The following NCOR2 variants were observed in gnomAD, a reference collection of about 807,000 sequenced individuals.
NCOR2 encodes nuclear receptor corepressor 2, also known as CTG repeat protein 26.
NCOR2 carries 81 observed loss-of-function variants against 262.9 expected under a neutral mutation model. The ratio of observed to expected loss-of-function variants is 0.31; its 90% CI spans 0.26 to 0.37. NCOR2 has a LOEUF of 0.37. NCOR2 is among the 10% of genes least tolerant of loss of function. The pLI, the probability that NCOR2 is intolerant of heterozygous loss-of-function variation, is 1.00. For synonymous variants in NCOR2, 1,659 were observed against 1,559.3 expected, an observed-to-expected ratio of 1.06 and a Z score of -1.51; for missense variants, 3,385 against 3,621.4, an observed-to-expected ratio of 0.93 and a Z score of 1.68.
intron 37 of NCOR2, among the ~76,000 whole-genome samples, chr12:124,337,971 G>A (rs566297374): frequency 3.9e-5 from 6 of 152,350 alleles, no homozygotes; most frequent in Admixed American, 1.3e-4. Flanking sequence ...CGGCTGTCAC[G>A]GGCATATCCC....
intron 17 of NCOR2, among the ~76,000 whole-genome samples, chr12:124,380,525 C>G (rs1014798347): frequency 3.4e-4 from 52 of 152,236 alleles, no homozygotes; most frequent in African/African-American, 1.2e-3. Flanking sequence ...AATCCTGAGC[C>G]TCTCCCAGGA....
chr12:124,334,996 T>C, intron 40 of NCOR2, 139 bp downstream of exon 42: 1 of 1,327,926 alleles, frequency 7.5e-7, no homozygotes. Flanking sequence ...ACCCACGCCC[T>C]GGATCCCCCC....
rs925538206 is a variant in NCOR2, at chr12:124,333,413, G to A, written c.6606-134C>T. On this transcript the variant is annotated intron_variant, in intron 41 of 46. Transcript: ENST00000405201. ...AATCATAAACGTTTTAGGCATTTTC[G>A]ACCACAAGTAATCTCTGGCATGTAT... is the stretch of plus-strand genomic sequence containing the variant. The A allele has an allele frequency of 3.0e-5, 22 of 732,918 alleles. No individual in the cohort carries two copies. The East Asian group carries it at 4.8e-4, about 16-fold the overall frequency. The allele number at this position is 732,918 out of a possible 1,614,324, so 45.4% of individuals were successfully genotyped here.
rs537775880 is a variant in NCOR2, at chr12:124,348,011, G to A, written c.3986-100C>T. 1.2e-4 allele frequency: 175 copies of A among 1,453,336 alleles called. 2 individuals carry two copies. The highest frequency in any genetic ancestry group is 4.2e-4 in the Admixed American group (21 of 50,330). The allele number at this position is 1,453,336 out of a possible 1,614,324, so 90.0% of individuals were successfully genotyped here. On this transcript the variant is annotated intron_variant, in intron 29 of 46. Coordinates refer to ENST00000405201, the Ensembl canonical transcript of NCOR2. Reference sequence around the variant, plus strand: ...TACAGCCGCCAGTGGTCATCCCCACGATGATGGTGGAGTAGGACCCAGCAC... The same window carrying A: ...TACAGCCGCCAGTGGTCATCCCCACAATGATGGTGGAGTAGGACCCAGCAC...
In NCOR2 at chr12:124,454,081, G is replaced by A. The variant is rs972715039; in HGVS notation, c.762+3025C>T. Among the ~76,000 whole-genome samples, 3 of 152,228 alleles carry A rather than the reference G, an allele frequency of 2.0e-5. No homozygotes were observed. Among genetic ancestry groups the A allele is most frequent in the Non-Finnish European group, 4.4e-5 (3 of 68,042 alleles). ...GACCCTGCAGAGGGTGCACCATGCA[G>A]CTGCCTCTGCTTGGAGGATGCCTGT... is the stretch of plus-strand genomic sequence containing the variant. On this transcript the variant is annotated intron_variant, in intron 6 of 46. Coordinates refer to ENST00000405201, the Ensembl canonical transcript of NCOR2. This position sits in a 1 kb window ranked among gnomAD's most constrained non-coding sequence, Gnocchi z 5.6.
chr12:124,511,221 G>A (rs565322446), intron 1 of NCOR2, among the ~76,000 whole-genome samples: 19 of 152,290 alleles, frequency 1.2e-4, no homozygotes, highest in South Asian at 1.0e-3. Flanking sequence ...AAAGGCAGCC[G>A]AGTGTCCCAA....
chr12:124,352,322 A>C (rs574464565), intron 27 of NCOR2, among the ~76,000 whole-genome samples: 13 of 152,290 alleles, frequency 8.5e-5, no homozygotes, highest in Non-Finnish European at 1.6e-4. Flanking sequence ...GGCTTACTGA[A>C]CACCACAATA....
intron 1 of NCOR2, among the ~76,000 whole-genome samples, chr12:124,489,767 G>A (rs1394246275): frequency 1.3e-5 from 2 of 152,180 alleles, no homozygotes; most frequent in African/African-American, 4.8e-5. Context: ...ATCCCAGCTG[G>A]TGCCTTCTTG....
chr12:124,375,876 C>T (rs553205159), intron 18 of NCOR2, among the ~76,000 whole-genome samples: 92 of 152,306 alleles, frequency 6.0e-4, no homozygotes, highest in Non-Finnish European at 1.2e-3. Flanking sequence ...CTTTCCACTG[C>T]CCCCGGGGAG....
chr12:124,396,145 A>C, intron 16 of NCOR2, among the ~76,000 whole-genome samples: 1 of 152,082 alleles, frequency 6.6e-6, no homozygotes, highest in East Asian at 1.9e-4. Context: ...AGAGACAGAG[A>C]GTGCATTAGT....
intron 7 of NCOR2, among the ~76,000 whole-genome samples, chr12:124,442,991 G>A (rs918142072): frequency 5.3e-5 from 8 of 152,212 alleles, no homozygotes; most frequent in Non-Finnish European, 7.3e-5. Context: ...GCCGGCAGCC[G>A]CCAGGAGCTG....
At chr12:124,341,243 CT>C (rs757260730) in intron 34 of NCOR2, among the ~76,000 whole-genome samples, 482 of 145,734 alleles carry the variant, frequency 3.3e-3, no homozygotes, top group African/African-American at 8.0e-3. Context: ...ACATTTTCAT[CT>C]TTTTTTTTTT....
exon 9 of NCOR2, chr12:124,430,624 C>T (rs2043859108): frequency 6.2e-7 from 1 of 1,611,996 alleles, no homozygotes; most frequent in Non-Finnish European, 8.5e-7. Context: ...CCTCTGCATG[C>T]GCTCCTGCAG....
intron 8 of NCOR2, among the ~76,000 whole-genome samples, chr12:124,435,030 C>G (rs1457756565): frequency 6.6e-6 from 1 of 152,224 alleles, no homozygotes; most frequent in African/African-American, 2.4e-5. Context: ...AGCCTGAGGG[C>G]AGATGTTTCC....
exon 21 of NCOR2, chr12:124,363,697 C>A: frequency 7.2e-7 from 1 of 1,395,306 alleles, no homozygotes; most frequent in Non-Finnish European, 9.4e-7. Flanking sequence ...GGATGGCAGC[C>A]GCTCGCTGCT....
chr12:124,328,612 A>G (rs1220947859), intron 44 of NCOR2: 1 of 152,930 alleles, frequency 6.5e-6, no homozygotes, highest in East Asian at 1.9e-4. Flanking sequence ...AACTTTTGTT[A>G]AACCAGCCTT....
At chr12:124,343,145 G>A in exon 33 of NCOR2, 1 of 1,612,110 alleles carries the variant, frequency 6.2e-7, no homozygotes, top group South Asian at 1.1e-5. Context: ...CTCGGGCACG[G>A]TGCTGTGCGG....
chr12:124,493,114 C>T (rs949844151), intron 1 of NCOR2, among the ~76,000 whole-genome samples: 8 of 152,248 alleles, frequency 5.3e-5, no homozygotes, highest in Admixed American at 1.3e-4. Context: ...GCGTCACTGA[C>T]GGCCCAGCAG....
upstream of NCOR2, among the ~76,000 whole-genome samples, chr12:124,498,585 A>C (rs1367315974): frequency 6.6e-6 from 1 of 152,224 alleles, no homozygotes; most frequent in Non-Finnish European, 1.5e-5. Context: ...TCGAAAAAAA[A>C]CAAATGTTAG....
Sources: allele counts gnomAD v4.1 joint callset (sites outside exome capture counted in the v4.1 genomes callset), GRCh38; gene constraint gnomAD v4.1.1; non-coding constraint Gnocchi (gnomAD v3.1); transcripts MANE v1.5; gene names NCBI Gene and HGNC (gene_info 2026-07-23, HGNC 2026-07-21).